Variants in CCDC77 observed in about 807,000 individuals in gnomAD.
CCDC77 encodes coiled-coil domain-containing protein 77.
Under a neutral mutation model 66.8 loss-of-function variants are expected in CCDC77, and 56 were observed. That is an observed-to-expected ratio of 0.84 (90% CI 0.68 to 1.05). CCDC77 has a LOEUF of 1.05. CCDC77 is among the 50% of genes least tolerant of loss of function. The pLI is 0.00. For missense variants in CCDC77, 570 were observed against 576.8 expected (o/e 0.99, Z 0.12); for synonymous variants, 196 against 195.2 (o/e 1.00, Z -0.03).
At chr12:428,520 A>C in intron 5 of CCDC77, among the ~76,000 whole-genome samples, 1 of 150,746 alleles carries the variant, frequency 6.6e-6, no homozygotes, top group Non-Finnish European at 1.5e-5. Flanking sequence ...CAAAAAAAAA[A>C]AAAAAAAAAA....
chr12:409,888 C>T (rs998511501), intron 3 of CCDC77: 3 of 150,894 alleles, frequency 2.0e-5, no homozygotes, highest in African/African-American at 7.4e-5. Flanking sequence ...ATCTCAGCTA[C>T]TTGGGAGGCG....
intron 2 of CCDC77, among the ~76,000 whole-genome samples, chr12:408,227 T>TCTCC (rs1200609646): frequency 6.6e-6 from 1 of 152,090 alleles, no homozygotes; most frequent in Non-Finnish European, 1.5e-5. Context: ...AATCAGCCTC[T>TCTCC]CTCCCTCTCT....
intron 5 of CCDC77, among the ~76,000 whole-genome samples, chr12:424,716 C>T (rs1945495885): frequency 6.6e-6 from 1 of 151,914 alleles, no homozygotes; most frequent in Non-Finnish European, 1.5e-5. Flanking sequence ...GAAATCATTG[C>T]CAGATTCATT....
chr12:394,366 A>G (rs984656433), intron 1 of CCDC77, among the ~76,000 whole-genome samples: 4 of 152,230 alleles, frequency 2.6e-5, no homozygotes, highest in Non-Finnish European at 4.4e-5. Context: ...CTCCTTTATG[A>G]AGGGCATTCT....
chr12:433,139 G>C, intron 8 of CCDC77, 35 bp from the exon 9 acceptor site: 1 of 1,586,474 alleles, frequency 6.3e-7, no homozygotes, highest in Non-Finnish European at 8.6e-7. Flanking sequence ...AGTGGAAGTA[G>C]GGCTGGATTC....
At chr12:435,697 C>G (rs551264359) in intron 9 of CCDC77, among the ~76,000 whole-genome samples, 1 of 152,160 alleles carries the variant, frequency 6.6e-6, no homozygotes. Context: ...TCATATAACC[C>G]GAAGTTAGCA....
At position 442,125 on chromosome 12, in the gene CCDC77, A is replaced by C; in HGVS notation, c.*205A>C. 1.7e-6 allele frequency: 1 copy of C among 578,264 alleles called. No individual in the cohort carries two copies. Among genetic ancestry groups the C allele is most frequent in the Non-Finnish European group, 3.0e-6 (1 of 329,198 alleles). The allele number at this position is 578,264 out of a possible 1,614,324, so 35.8% of individuals were successfully genotyped here. ...GCTTTATCATTTTTGCTGTCCTTTTAACACTTGCGAGGAGTAGGGGCCTGG... is the reference window on the plus strand; with the variant it reads ...GCTTTATCATTTTTGCTGTCCTTTTCACACTTGCGAGGAGTAGGGGCCTGG... On this transcript the variant is annotated 3_prime_UTR_variant, in exon 13 of 13. Coordinates refer to ENST00000239830, the MANE Select transcript of CCDC77 (RefSeq NM_032358.4).
At position 440,914 on chromosome 12, in the gene CCDC77, G is replaced by A. The variant is rs764367596; in HGVS notation, c.1238G>A (p.Arg413His). The A allele has an allele frequency of 9.9e-6, 16 of 1,613,696 alleles. No individual in the cohort carries two copies. The highest frequency in any genetic ancestry group is 1.2e-5 in the Non-Finnish European group (14 of 1,179,982). ...CGCTATGAGGCATTGGAGCGTCGACGTATCCTGGAAGTAGAAGGCTTTAAG... is the reference window on the plus strand; with the variant it reads ...CGCTATGAGGCATTGGAGCGTCGACATATCCTGGAAGTAGAAGGCTTTAAG... ...TKRYEALERR[R>H]ILEVEGFKTD... The change falls in exon 12 of 13, where the codon CGT becomes CAT. Residue 413 changes from arginine (R) to histidine (H), a missense_variant. Physicochemically the swap from Arg to His is conservative, Grantham distance 29. Coordinates refer to ENST00000239830, the MANE Select transcript of CCDC77 (RefSeq NM_032358.4).
chr12:411,705 T>C, intron 3 of CCDC77, 42 bp from the exon 4 acceptor site: 1 of 1,509,482 alleles, frequency 6.6e-7, no homozygotes, highest in Non-Finnish European at 9.1e-7. Flanking sequence ...CTCATAAACT[T>C]TCGCAGAGTG....
At chr12:408,290 T>G (rs553957657) in intron 2 of CCDC77, among the ~76,000 whole-genome samples, 14 of 152,308 alleles carry the variant, frequency 9.2e-5, no homozygotes, top group African/African-American at 2.9e-4. Flanking sequence ...TTTCCAGCCA[T>G]GAGGTTTATC....
chr12:394,675 C>CT (rs1944803410), intron 1 of CCDC77, among the ~76,000 whole-genome samples: 1 of 152,172 alleles, frequency 6.6e-6, no homozygotes, highest in Non-Finnish European at 1.5e-5. Context: ...TAAAAATTAT[C>CT]TATTTGATGT....
chr12:415,371 A>G (rs948372515), intron 4 of CCDC77, among the ~76,000 whole-genome samples: 25 of 124,314 alleles, frequency 2.0e-4, no homozygotes, highest in African/African-American at 8.2e-4. Context: ...ATGTTAATAT[A>G]ATCAACATAA....
At chr12:439,317 C>G (rs1426944968) in intron 10 of CCDC77, among the ~76,000 whole-genome samples, 1 of 151,874 alleles carries the variant, frequency 6.6e-6, no homozygotes, top group Non-Finnish European at 1.5e-5. Flanking sequence ...GTCAGGAGTT[C>G]GAGACCAGCC....
At chr12:411,081 T>C (rs113517833) in intron 3 of CCDC77, among the ~76,000 whole-genome samples, 7,046 of 152,190 alleles carry the variant, frequency 0.046, 523 homozygotes, top group African/African-American at 0.16. Context: ...CCACCATTCC[T>C]GGCTCTAACA....
intron 2 of CCDC77, among the ~76,000 whole-genome samples, chr12:405,805 C>T (rs915349866): frequency 1.3e-5 from 2 of 151,976 alleles, no homozygotes; most frequent in East Asian, 3.9e-4. Flanking sequence ...GTTTATGTTA[C>T]TAGGGATACA....
Position 442,090 on chromosome 12 carries a change from T to C in CCDC77, c.*170T>C. 2 of 685,206 alleles carry C rather than the reference T, an allele frequency of 2.9e-6. No homozygotes were observed. The highest frequency in any genetic ancestry group is 2.5e-6 in the Non-Finnish European group (1 of 405,348). The allele number at this position is 685,206 out of a possible 1,614,324, so 42.4% of individuals were successfully genotyped here. On this transcript the variant is annotated 3_prime_UTR_variant, in exon 13 of 13. Coordinates refer to ENST00000239830, the MANE Select transcript of CCDC77 (RefSeq NM_032358.4). ...GACCACTAGGAAAGCTTTTCTTGCA[T>C]ACTCAGCTTGCTTTATCATTTTTGC...
At chr12:435,719 A>G (rs1177320067) in intron 9 of CCDC77, among the ~76,000 whole-genome samples, 1 of 152,158 alleles carries the variant, frequency 6.6e-6, no homozygotes, top group African/African-American at 2.4e-5. Flanking sequence ...TCAGGAAAAT[A>G]TCTCCTGTCT....
chr12:419,152 A>G (rs904533750), intron 5 of CCDC77, among the ~76,000 whole-genome samples: 3 of 152,248 alleles, frequency 2.0e-5, no homozygotes, highest in Non-Finnish European at 4.4e-5. Context: ...GGGCAGAGGT[A>G]GAATATGAAC....
chr12:390,049 A>G (rs1396302059), intron 1 of CCDC77: 1 of 142,892 alleles, frequency 7.0e-6, no homozygotes, highest in African/African-American at 2.6e-5. Context: ...AACTCAAAGT[A>G]CTTTAATTGT....
Sources: gnomAD v4.1 joint callset for allele counts (sites outside exome capture counted in the v4.1 genomes callset) on GRCh38, gnomAD v4.1.1 for gene constraint, MANE v1.5 for transcripts, NCBI Gene and HGNC (gene_info 2026-07-23, HGNC 2026-07-21) for gene names.